MAP3K13: variants seen among roughly 807,000 people sequenced by gnomAD.
MAP3K13 encodes the protein mitogen-activated protein kinase kinase kinase 13, also known as leucine zipper-bearing kinase.
A neutral mutation model predicts 104.0 loss-of-function variants in MAP3K13; 52 were observed. The observed-to-expected ratio is 0.50, with a 90% confidence interval of 0.40 to 0.63. The LOEUF is 0.63. Ranked by LOEUF, MAP3K13 falls within the 20% of genes least tolerant of loss-of-function variation. The probability of loss-of-function intolerance (pLI) is 0.00; values close to 1 mark genes in which losing one functional copy is unlikely to be tolerated. For synonymous variants in MAP3K13, 394 were observed against 442.2 expected, an observed-to-expected ratio of 0.89 and a Z score of 1.37; for missense variants, 914 against 1,218.5, an observed-to-expected ratio of 0.75 and a Z score of 3.72.
At chr3:185,310,005 C>G (rs1721440810) in intron 2 of MAP3K13, among the ~76,000 whole-genome samples, 1 of 152,124 alleles carries the variant, frequency 6.6e-6, no homozygotes, top group South Asian at 2.1e-4. Context: ...ACAGCTGTAG[C>G]CTACTGCTGA....
intron 4 of MAP3K13, among the ~76,000 whole-genome samples, chr3:185,445,910 G>A (rs184744546): frequency 1.2e-3 from 181 of 152,258 alleles, no homozygotes; most frequent in Non-Finnish European, 1.0e-3. Flanking sequence ...GGGGCTTACT[G>A]CCTACTCTCA....
At chr3:185,363,490 CAG>C (rs1207317683) in intron 1 of MAP3K13, 122 bp downstream of exon 1, 1 of 410,340 alleles carries the variant, frequency 2.4e-6, no homozygotes, top group Non-Finnish European at 3.3e-6. Context: ...GTGAGAGAGA[CAG>C]AGAGACAGAG....
At chr3:185,419,286 G>A (rs767604802) in intron 1 of MAP3K13, among the ~76,000 whole-genome samples, 3 of 152,242 alleles carry the variant, frequency 2.0e-5, no homozygotes, top group Non-Finnish European at 2.9e-5. Context: ...ACAGGCGTGA[G>A]CCAGCACATC....
At chr3:185,439,988 G>A (rs970685189) in intron 3 of MAP3K13, among the ~76,000 whole-genome samples, 5 of 152,182 alleles carry the variant, frequency 3.3e-5, no homozygotes, top group East Asian at 1.9e-4. Flanking sequence ...ATTCAGGACC[G>A]TCTGGAAGAT....
At chr3:185,384,336 G>GTGTGTGTGTT (rs779559634) in intron 1 of MAP3K13, among the ~76,000 whole-genome samples, 52 of 151,884 alleles carry the variant, frequency 3.4e-4, no homozygotes, top group Non-Finnish European at 1.3e-4. Flanking sequence ...GTGTGTGTGT[G>GTGTGTGTGTT]TGAGACACAT....
rs74482568 is a variant in MAP3K13 at position 185,482,212 on chromosome 3, A to G, written c.2800-143A>G. On this transcript the variant is annotated intron_variant, in intron 13 of 13. Coordinates refer to ENST00000265026, the MANE Select transcript of MAP3K13 (RefSeq NM_004721.5). This position sits in a 1 kb window ranked among gnomAD's most constrained non-coding sequence, Gnocchi z 4.5. ...TAATCATCATGTGTTTTCTTTCTCC[A>G]TAAGTCCCACAAGGACAGGACCTGG... The G allele has an allele frequency of 8.1e-3, 5,153 of 635,524 alleles. 206 individuals are homozygous for G. Among genetic ancestry groups the G allele is most frequent in the Admixed American group, 0.077 (2,808 of 36,494 alleles). 39.4% of individuals were successfully genotyped at this position (635,524 alleles called of 1,614,324 possible). A position where few individuals can be genotyped will look rare whatever the true frequency, so the allele number is the denominator to read the frequency against.
intron 2 of MAP3K13, among the ~76,000 whole-genome samples, chr3:185,337,735 T>C (rs1274045813): frequency 6.6e-6 from 1 of 151,544 alleles, no homozygotes; most frequent in Non-Finnish European, 1.5e-5. Flanking sequence ...TTATTATTTA[T>C]AATCAGAAGG....
At chr3:185,428,158 C>T (rs533333216) in intron 1 of MAP3K13, among the ~76,000 whole-genome samples, 1 of 152,112 alleles carries the variant, frequency 6.6e-6, no homozygotes, top group Admixed American at 6.5e-5. Flanking sequence ...TAAACCTCCC[C>T]CAAATCTAAC....
chr3:185,455,155 TATATGATATATATGAG>T (rs1458814912), intron 7 of MAP3K13, among the ~76,000 whole-genome samples: 1 of 51,514 alleles, frequency 1.9e-5, no homozygotes, highest in Non-Finnish European at 4.2e-5. Context: ...ATGTGAGATA[TATATGATATATATGAG>T]ATATATATGA....
intron 1 of MAP3K13, among the ~76,000 whole-genome samples, chr3:185,284,032 G>A (rs1179090569): frequency 6.6e-6 from 1 of 151,458 alleles, no homozygotes; most frequent in African/African-American, 2.4e-5. Flanking sequence ...CCGAGTAGCT[G>A]GGATTACAGG....
chr3:185,353,429 C>A (rs914346577), intron 2 of MAP3K13, among the ~76,000 whole-genome samples: 1 of 152,172 alleles, frequency 6.6e-6, no homozygotes, highest in Non-Finnish European at 1.5e-5. Flanking sequence ...GAACATGGTT[C>A]GAACAGTTGG....
intron 2 of MAP3K13, among the ~76,000 whole-genome samples, chr3:185,330,011 C>T (rs1484354290): frequency 3.6e-5 from 5 of 140,448 alleles, no homozygotes; most frequent in African/African-American, 5.4e-5. Flanking sequence ...TCCCAAGTAG[C>T]TTGGATTATA....
chr3:185,468,673 T>A (rs888232345), intron 10 of MAP3K13, among the ~76,000 whole-genome samples: 1 of 152,248 alleles, frequency 6.6e-6, no homozygotes, highest in Non-Finnish European at 1.5e-5. Flanking sequence ...ATAGCTGGAC[T>A]AATAGGTACC....
chr3:185,419,200 C>T (rs1577534932), intron 1 of MAP3K13, among the ~76,000 whole-genome samples: 1 of 152,038 alleles, frequency 6.6e-6, no homozygotes, highest in South Asian at 2.1e-4. Context: ...TGGGGTTTCA[C>T]CATGTTGGCC....
Position 185,473,765 on chromosome 3 carries a change from A to T in MAP3K13, c.2430+4A>T. On this transcript the variant is annotated splice_donor_region_variant and intron_variant, in intron 11 of 13. Coordinates refer to ENST00000265026, the MANE Select transcript of MAP3K13 (RefSeq NM_004721.5). This position sits in a 1 kb window ranked among gnomAD's most constrained non-coding sequence, Gnocchi z 4.9. ...AAAAACAAGGCCTCTGCAGAAGGTAAAGTGTAATGATGAGAGTGGCCTGCG... is the reference window on the plus strand; with the variant it reads ...AAAAACAAGGCCTCTGCAGAAGGTATAGTGTAATGATGAGAGTGGCCTGCG... The T allele has an allele frequency of 6.2e-7, 1 of 1,610,258 alleles. No individual in the cohort carries two copies. The highest frequency in any genetic ancestry group is 1.3e-5 in the African/African-American group (1 of 74,844).
At chr3:185,443,023 T>C (rs1447369947) in intron 3 of MAP3K13, among the ~76,000 whole-genome samples, 1 of 152,078 alleles carries the variant, frequency 6.6e-6, no homozygotes, top group Non-Finnish European at 1.5e-5. Context: ...GTATGTTTAG[T>C]AGAGACAGGG....
intron 2 of MAP3K13, among the ~76,000 whole-genome samples, chr3:185,351,626 A>T (rs1196732685): frequency 2.6e-5 from 4 of 152,214 alleles, no homozygotes; most frequent in Non-Finnish European, 5.9e-5. Flanking sequence ...AAGACAGAGT[A>T]GATTGAGTTT....
intron 1 of MAP3K13, among the ~76,000 whole-genome samples, chr3:185,392,236 C>T (rs1577501198): frequency 6.6e-6 from 1 of 152,126 alleles, no homozygotes; most frequent in South Asian, 2.1e-4. Context: ...GAACATGGCA[C>T]CTGCCTGCAC....
intron 2 of MAP3K13, among the ~76,000 whole-genome samples, chr3:185,318,137 T>C (rs2108691964): frequency 6.6e-6 from 1 of 152,350 alleles, no homozygotes; most frequent in South Asian, 2.1e-4. Flanking sequence ...GTTAAGTTTA[T>C]ACCTTTGTGG....
Sources: gnomAD v4.1 joint callset for allele counts (sites outside exome capture counted in the v4.1 genomes callset) on GRCh38, gnomAD v4.1.1 for gene constraint, Gnocchi (gnomAD v3.1) non-coding constraint, MANE v1.5 for transcripts, NCBI Gene and HGNC (gene_info 2026-07-23, HGNC 2026-07-21) for gene names.